Variants in PLXNC1 observed in about 807,000 individuals in gnomAD.
PLXNC1 encodes plexin C1, also known as plexin-C1.
Under a neutral mutation model 178.2 loss-of-function variants are expected in PLXNC1, and 75 were observed. The ratio of observed to expected loss-of-function variants is 0.42; its 90% CI spans 0.35 to 0.51. PLXNC1 has a LOEUF of 0.51. Among genes scored for constraint, PLXNC1 ranks in the 20% least tolerant of loss-of-function variants. The pLI, the probability that PLXNC1 is intolerant of heterozygous loss-of-function variation, is 0.02. For synonymous variants in PLXNC1, 790 were observed against 779.9 expected (o/e 1.01, Z -0.22); for missense variants, 1,503 against 1,984.4 (o/e 0.76, Z 4.61).
Position 94,148,885 on chromosome 12 carries a change from C to A in PLXNC1, c.-87C>A. On this transcript the variant is annotated 5_prime_UTR_variant, in exon 1 of 31. Coordinates refer to ENST00000258526, the MANE Select transcript of PLXNC1 (RefSeq NM_005761.3). The surrounding 1 kb of genome is among the most constrained non-coding windows in gnomAD (Gnocchi z 4.8). Reference sequence around the variant, plus strand: ...GAGCCCGAGCGCGCGCAGGAACCGCCGCCGCCGCCGCCCGCGTCTCCGTTG... The same window carrying A: ...GAGCCCGAGCGCGCGCAGGAACCGCAGCCGCCGCCGCCCGCGTCTCCGTTG... 1 of 287,756 alleles carries A rather than the reference C, an allele frequency of 3.5e-6. No homozygotes were observed. The allele number at this position is 287,756 out of a possible 1,614,324, so 17.8% of individuals were successfully genotyped here.
At chr12:94,150,096 A>G in intron 1 of PLXNC1, 63 bp downstream of exon 1, 2 of 1,333,426 alleles carry the variant, frequency 1.5e-6, no homozygotes, top group South Asian at 2.9e-5. Flanking sequence ...GCCGCCGCCG[A>G]GGCAGAACGA....
chr12:94,287,784 G>A (rs540680672), intron 23 of PLXNC1, among the ~76,000 whole-genome samples: 2 of 152,318 alleles, frequency 1.3e-5, no homozygotes, highest in African/African-American at 4.8e-5. Context: ...ATCGCTAAAG[G>A]TCTGTTGCAG....
rs149844759 is a variant in PLXNC1, at chr12:94,302,508, G to A, written c.4387-1248G>A. ...GCACTTTCTTCATTTGACTAATAAA[G>A]TTCATCTTAGCATGCAGCACACTGA... On this transcript the variant is annotated intron_variant, in intron 28 of 30. Coordinates refer to ENST00000258526, the MANE Select transcript of PLXNC1 (RefSeq NM_005761.3). Among the ~76,000 whole-genome samples the A allele has an allele frequency of 7.9e-4, 120 of 152,216 alleles. 1 individual carries two copies. In the East Asian group the frequency reaches 0.022, roughly 28 times the overall value.
At position 94,245,000 on chromosome 12, in the gene PLXNC1, G is replaced by A. The variant is rs146950024; in HGVS notation, c.2388+975G>A. Among the ~76,000 whole-genome samples the A allele has an allele frequency of 1.3e-3, 200 of 152,302 alleles. 3 individuals carry two copies. The Middle Eastern group carries it at 0.017, about 13-fold the overall frequency. Reference sequence around the variant, plus strand: ...TGCCTGACCACTTCCTGCCAAGGCTGACACACTCCCTCCTCAGGAGCAGTG... The same window carrying A: ...TGCCTGACCACTTCCTGCCAAGGCTAACACACTCCCTCCTCAGGAGCAGTG... On this transcript the variant is annotated intron_variant, in intron 12 of 30. Coordinates refer to ENST00000258526, the MANE Select transcript of PLXNC1 (RefSeq NM_005761.3).
At chr12:94,191,552 G>A (rs899983121) in intron 4 of PLXNC1, among the ~76,000 whole-genome samples, 1 of 152,154 alleles carries the variant, frequency 6.6e-6, no homozygotes, top group African/African-American at 2.4e-5. Flanking sequence ...GGGAGGCTGA[G>A]GTAGGTGGAT....
At chr12:94,158,615 A>G (rs898328464) in intron 1 of PLXNC1, among the ~76,000 whole-genome samples, 3 of 152,212 alleles carry the variant, frequency 2.0e-5, no homozygotes, top group African/African-American at 7.2e-5. Context: ...TGGGCAACGT[A>G]GCAAGACCCC....
At chr12:94,210,432 G>T (rs936347094) in intron 5 of PLXNC1, among the ~76,000 whole-genome samples, 1 of 152,184 alleles carries the variant, frequency 6.6e-6, no homozygotes, top group Non-Finnish European at 1.5e-5. Flanking sequence ...CCCTAATGAC[G>T]GCTCTTGTGT....
intron 2 of PLXNC1, among the ~76,000 whole-genome samples, chr12:94,178,462 A>AAAAC (rs1281044227): frequency 6.6e-6 from 1 of 152,182 alleles, no homozygotes; most frequent in Non-Finnish European, 1.5e-5. Context: ...TTGTTTAAAA[A>AAAAC]AAACAAAAAC....
chr12:94,240,351 A>C (rs1964354824), intron 10 of PLXNC1, 134 bp from the exon 11 acceptor site: 1 of 654,064 alleles, frequency 1.5e-6, no homozygotes. Context: ...CTCATGAGTC[A>C]GTAGTTGCCT....
At chr12:94,254,562 G>C (rs1306632854) in intron 15 of PLXNC1, 2 of 671,388 alleles carry the variant, frequency 3.0e-6, no homozygotes, top group Non-Finnish European at 5.5e-6. Context: ...GTTTTTTTCT[G>C]CTGCATTTTG....
rs1316683657 is a variant in PLXNC1 at position 94,300,993 on chromosome 12, G to C, written c.4322G>C (p.Cys1441Ser). The change falls in exon 28 of 31, where the codon TGT becomes TCT. Residue 1441 changes from cysteine (C) to serine (S), a missense_variant. Physicochemically the swap from Cys to Ser is moderately radical, Grantham distance 112. Transcript: ENST00000258526. ...AAGAAGACACCACATATAGACGGCTGTTTGTCAGTGATTGCCCAGGCATTC... is the reference window on the plus strand; with the variant it reads ...AAGAAGACACCACATATAGACGGCTCTTTGTCAGTGATTGCCCAGGCATTC... ...DIKKTPHIDG[C>S]LSVIAQAFMD... is the part of the protein sequence containing the mutation. The C allele has an allele frequency of 1.2e-6, 2 of 1,613,730 alleles. No individual in the cohort carries two copies. Among genetic ancestry groups the C allele is most frequent in the Non-Finnish European group, 1.7e-6 (2 of 1,179,804 alleles).
intron 23 of PLXNC1, among the ~76,000 whole-genome samples, chr12:94,288,423 C>T (rs1000383584): frequency 2.6e-5 from 4 of 152,196 alleles, no homozygotes; most frequent in Non-Finnish European, 5.9e-5. Context: ...CCAACTCCCT[C>T]AGGAGGAAGA....
chr12:94,214,271 G>A (rs1963579952), intron 5 of PLXNC1, among the ~76,000 whole-genome samples: 1 of 151,576 alleles, frequency 6.6e-6, no homozygotes, highest in South Asian at 2.1e-4. Flanking sequence ...ATTTTTTATA[G>A]AGATAAGGTC....
In PLXNC1 at chr12:94,265,171, G is replaced by A. The variant is rs1965167025; in HGVS notation, c.3543G>A (p.Leu1181=). 6.2e-7 allele frequency: 1 copy of A among 1,613,928 alleles called. No homozygotes were observed. Among genetic ancestry groups the A allele is most frequent in the Admixed American group, 1.7e-5 (1 of 60,002 alleles). The change falls in exon 21 of 31, where the codon CTG becomes CTA. Residue 1181 remains leucine, a synonymous_variant. Transcript: ENST00000258526. ...TGGATGTAATCACTTGCAAAGCCCT[G>A]TACACACTTAATGAAGACTGGCTGT... is the stretch of plus-strand genomic sequence containing the variant. ...GPVDVITCKA[L]YTLNEDWLLW...
intron 10 of PLXNC1, among the ~76,000 whole-genome samples, chr12:94,238,187 G>A (rs954419315): frequency 6.6e-6 from 1 of 152,148 alleles, no homozygotes; most frequent in African/African-American, 2.4e-5. Context: ...ATTTTTTGGA[G>A]CAGCTCTTCC....
intron 2 of PLXNC1, among the ~76,000 whole-genome samples, chr12:94,176,776 C>T (rs1038079429): frequency 8.6e-5 from 13 of 151,958 alleles, no homozygotes; most frequent in African/African-American, 3.1e-4. Context: ...TATTCTTCCT[C>T]CCTTTTGTTG....
At chr12:94,171,240 A>T (rs556269590) in intron 2 of PLXNC1, among the ~76,000 whole-genome samples, 1 of 152,298 alleles carries the variant, frequency 6.6e-6, no homozygotes, top group Admixed American at 6.5e-5. Context: ...GCTGCTGAGG[A>T]GGCCGCAGCC....
chr12:94,208,521 G>A (rs767459702), intron 4 of PLXNC1, among the ~76,000 whole-genome samples: 29 of 152,154 alleles, frequency 1.9e-4, no homozygotes, highest in Non-Finnish European at 1.8e-4. Context: ...ATTCCGCTCG[G>A]ATCCCCTCCG....
chr12:94,241,146 C>A (rs1964377084), intron 11 of PLXNC1, among the ~76,000 whole-genome samples: 1 of 152,092 alleles, frequency 6.6e-6, no homozygotes, highest in Non-Finnish European at 1.5e-5. Context: ...CCAGATAAAT[C>A]CAATATGTTA....
Sources: gnomAD v4.1 joint callset for allele counts (sites outside exome capture counted in the v4.1 genomes callset) on GRCh38, gnomAD v4.1.1 for gene constraint, Gnocchi (gnomAD v3.1) non-coding constraint, MANE v1.5 for transcripts, NCBI Gene and HGNC (gene_info 2026-07-23, HGNC 2026-07-21) for gene names.